KIAA0825: variants seen among roughly 807,000 people sequenced by gnomAD.
KIAA0825 encodes uncharacterized protein KIAA0825.
KIAA0825 carries 119 observed loss-of-function variants against 147.6 expected under a neutral mutation model. The observed-to-expected ratio is 0.81, with a 90% CI of 0.69 to 0.94. KIAA0825 has a LOEUF of 0.94. Among genes scored for constraint, KIAA0825 ranks in the 40% least tolerant of loss-of-function variants. The pLI is 0.00. For missense variants in KIAA0825, 1,381 were observed against 1,472.7 expected (o/e 0.94, Z 1.02); for synonymous variants, 470 against 518.1 (o/e 0.91, Z 1.26).
intron 20 of KIAA0825, among the ~76,000 whole-genome samples, chr5:94,238,097 A>G (rs1387649259): frequency 6.6e-6 from 1 of 152,218 alleles, no homozygotes; most frequent in East Asian, 1.9e-4. Flanking sequence ...TGATAAGCAC[A>G]CTGAAGGATT....
chr5:94,235,217 G>T, intron 20 of KIAA0825, among the ~76,000 whole-genome samples: 1 of 152,204 alleles, frequency 6.6e-6, no homozygotes, highest in South Asian at 2.1e-4. Context: ...CAGCCAGGTT[G>T]TGAATGCAAA....
chr5:94,460,409 AG>A (rs1305033940), intron 12 of KIAA0825, among the ~76,000 whole-genome samples: 1 of 152,120 alleles, frequency 6.6e-6, no homozygotes, highest in African/African-American at 2.4e-5. Flanking sequence ...ATTCCTGTCC[AG>A]GGATTTCGTG....
At chr5:94,164,532 T>C (rs1172473832) in intron 20 of KIAA0825, among the ~76,000 whole-genome samples, 1 of 151,870 alleles carries the variant, frequency 6.6e-6, no homozygotes, top group Non-Finnish European at 1.5e-5. Context: ...CTGCCTTAGT[T>C]TCCTGAGTAG....
intron 2 of KIAA0825, among the ~76,000 whole-genome samples, chr5:94,555,852 A>G (rs1776435691): frequency 6.6e-6 from 1 of 152,194 alleles, no homozygotes. Context: ...AAATTGCTGT[A>G]TCTGTTGAGA....
At chr5:94,578,887 G>C (rs1781548108) in intron 2 of KIAA0825, among the ~76,000 whole-genome samples, 1 of 152,080 alleles carries the variant, frequency 6.6e-6, no homozygotes, top group South Asian at 2.1e-4. Flanking sequence ...GAGTAGGAAA[G>C]GTTCAGAGTT....
chr5:94,441,858 C>T (rs181817478), intron 13 of KIAA0825, among the ~76,000 whole-genome samples: 188 of 152,322 alleles, frequency 1.2e-3, no homozygotes, highest in African/African-American at 4.4e-3. Context: ...TCCTACTCTT[C>T]CTTTAATTTG....
rs1446353245 is a variant in KIAA0825, at chr5:94,462,479, A to G, written c.2154T>C (p.His718=). 2 of 1,540,746 alleles carry G rather than the reference A, an allele frequency of 1.3e-6. No individual in the cohort carries two copies. The highest frequency in any genetic ancestry group is 2.5e-5 in the East Asian group (1 of 40,624). ...GAATTTTAAAAATTTTATCATCTGT[A>G]TGCTGATGAGGATTCAAAAGTTTCT... ...SVQKLLNPHQ[H]TDDKIFKIHT... Residue 718 remains histidine (H), a synonymous_variant, in exon 12 of 21, where the codon CAT becomes CAC. Coordinates refer to ENST00000682413, the MANE Select transcript of KIAA0825 (RefSeq NM_001145678.3).
intron 2 of KIAA0825, among the ~76,000 whole-genome samples, chr5:94,581,688 T>C (rs572470075): frequency 1.3e-5 from 2 of 152,176 alleles, no homozygotes; most frequent in Non-Finnish European, 2.9e-5. Context: ...TTAATATCTA[T>C]TATTTAAAAA....
At chr5:94,472,738 C>G (rs1761382380) in intron 8 of KIAA0825, among the ~76,000 whole-genome samples, 1 of 151,948 alleles carries the variant, frequency 6.6e-6, no homozygotes. Context: ...AGTGAGGCCC[C>G]CGTCTCAAAA....
intron 20 of KIAA0825, among the ~76,000 whole-genome samples, chr5:94,234,089 G>A (rs1057405449): frequency 2.3e-4 from 35 of 152,090 alleles, no homozygotes; most frequent in Admixed American, 1.3e-3. Context: ...AAAGTGGGCC[G>A]GGCGCGGTGG....
At chr5:94,187,280 T>A (rs1770207199) in intron 20 of KIAA0825, among the ~76,000 whole-genome samples, 1 of 151,788 alleles carries the variant, frequency 6.6e-6, no homozygotes, top group African/African-American at 2.4e-5. Flanking sequence ...AACTAGCATT[T>A]TTTAGCCAGT....
chr5:94,571,277 A>C (rs1194977785), intron 2 of KIAA0825, among the ~76,000 whole-genome samples: 2 of 152,230 alleles, frequency 1.3e-5, no homozygotes, highest in Admixed American at 6.5e-5. Context: ...AAGTGTTTCA[A>C]CTTCAACAGA....
At chr5:94,536,940 A>G in intron 3 of KIAA0825, 56 bp downstream of exon 3, 1 of 1,307,318 alleles carries the variant, frequency 7.6e-7, no homozygotes, top group African/African-American at 1.5e-5. Flanking sequence ...GACCAGGTAA[A>G]TTTCATATAA....
chr5:94,529,394 C>CAT (rs1480689614), intron 3 of KIAA0825, among the ~76,000 whole-genome samples: 14 of 140,882 alleles, frequency 9.9e-5, no homozygotes, highest in African/African-American at 1.9e-4. Flanking sequence ...ATGTATATAT[C>CAT]ATATGTATAT....
chr5:94,203,978 C>T (rs1210127182), intron 20 of KIAA0825, among the ~76,000 whole-genome samples: 3 of 152,078 alleles, frequency 2.0e-5, no homozygotes, highest in Non-Finnish European at 4.4e-5. Context: ...AATCCCACAA[C>T]GTGACAGTAT....
intron 20 of KIAA0825, among the ~76,000 whole-genome samples, chr5:94,168,118 T>G (rs953825598): frequency 6.6e-6 from 1 of 151,446 alleles, no homozygotes; most frequent in Non-Finnish European, 1.5e-5. Flanking sequence ...TAGAAATACA[T>G]ATAATTATGT....
chr5:94,611,773 C>G (rs1585040818), intron 1 of KIAA0825: 1 of 151,460 alleles, frequency 6.6e-6, no homozygotes, highest in Non-Finnish European at 1.5e-5. Flanking sequence ...CAGTGAGACC[C>G]TGTCTGCACA....
intron 14 of KIAA0825, among the ~76,000 whole-genome samples, chr5:94,426,559 G>A (rs1754913594): frequency 6.6e-6 from 1 of 152,168 alleles, no homozygotes; most frequent in South Asian, 2.1e-4. Context: ...GGAATAGCGT[G>A]CGGGTCAGAG....
At chr5:94,342,659 T>C (rs751030094) in intron 20 of KIAA0825, among the ~76,000 whole-genome samples, 4 of 152,212 alleles carry the variant, frequency 2.6e-5, no homozygotes, top group African/African-American at 7.2e-5. Context: ...TTTCATTATT[T>C]ATAGAAATTA....
Sources: gnomAD v4.1 joint callset for allele counts (sites outside exome capture counted in the v4.1 genomes callset) on GRCh38, gnomAD v4.1.1 for gene constraint, MANE v1.5 for transcripts, NCBI Gene and HGNC (gene_info 2026-07-23, HGNC 2026-07-21) for gene names.